The following CD58 variants were observed in gnomAD, a reference collection of about 807,000 sequenced individuals.
CD58 encodes the protein lymphocyte function-associated antigen 3.
Under a neutral mutation model 27.6 loss-of-function variants are expected in CD58, and 14 were observed. That is an observed-to-expected ratio of 0.51 (90% CI 0.34 to 0.79). CD58 has a LOEUF of 0.79. Among genes scored for constraint, CD58 ranks in the 30% least tolerant of loss-of-function variants. The pLI is 0.02. For missense variants in CD58, 268 were observed against 301.7 expected, an observed-to-expected ratio of 0.89 and a Z score of 0.83; for synonymous variants, 117 against 103.8, an observed-to-expected ratio of 1.13 and a Z score of -0.77.
At position 116,536,813 on chromosome 1, in the gene CD58, T is replaced by G. The variant is rs1657825104; in HGVS notation, c.365-585A>C. On this transcript the variant is annotated intron_variant, in intron 2 of 5. Transcript: ENST00000369489. This position sits in a 1 kb window ranked among gnomAD's most constrained non-coding sequence, Gnocchi z 5.4. ...CCCCAAATCCCTTATCCTCAATTCT[T>G]AAATCAAAAAATCTCTGAAGCCAAA... Among the ~76,000 whole-genome samples, 1 of 152,126 alleles carries G rather than the reference T, an allele frequency of 6.6e-6. No individual in the cohort carries two copies. The highest frequency in any genetic ancestry group is 2.1e-4 in the South Asian group (1 of 4,826).
At position 116,570,918 on chromosome 1, in the gene CD58, G is replaced by A. The variant is rs1057105797; in HGVS notation, c.55C>T (p.Leu19=). ...RALGVLSVVC[L]LHCFGFISCF... is the part of the protein sequence containing the mutation. ...CTTCACTCACCAAAGCAGTGCAGCA[G>A]GCAGACCACGCTGAGGACCCCCAGG... is the stretch of plus-strand genomic sequence containing the variant. The change falls in exon 1 of 6, where the codon CTG becomes TTG. Residue 19 remains leucine (L), a synonymous_variant. Transcript: ENST00000369489. The surrounding 1 kb of genome is among the most constrained non-coding windows in gnomAD (Gnocchi z 6.4). 1.9e-6 allele frequency: 3 copies of A among 1,567,626 alleles called. No homozygotes were observed. The highest frequency in any genetic ancestry group is 1.2e-5 in the South Asian group (1 of 85,968).
intron 4 of CD58, among the ~76,000 whole-genome samples, chr1:116,520,775 T>C (rs1332432693): frequency 6.6e-6 from 1 of 152,226 alleles, no homozygotes; most frequent in East Asian, 1.9e-4. Context: ...GAAAACTTTC[T>C]TCAGCTGATC....
chr1:116,544,714 G>A (rs1401230488), intron 1 of CD58, 110 bp from the exon 2 acceptor site: 2 of 704,214 alleles, frequency 2.8e-6, no homozygotes, highest in East Asian at 5.4e-5. Context: ...ACAAAATACA[G>A]GAAGTAAGAA....
In CD58 at chr1:116,531,540, T is replaced by C. The variant is rs375650409; in HGVS notation, c.628+4425A>G. 6.6e-5 allele frequency among the ~76,000 whole-genome samples: 10 copies of C among 152,318 alleles called. No individual in the cohort carries two copies. In the South Asian group the frequency reaches 2.1e-3, roughly 32 times the overall value. ...TCCATATCGTATGCCTTGGGTATTA[T>C]GTAACACTCAAAAGGTGGAATTAAT... On this transcript the variant is annotated intron_variant, in intron 3 of 5. Coordinates refer to ENST00000369489, the MANE Select transcript of CD58 (RefSeq NM_001779.3). This position sits in a 1 kb window ranked among gnomAD's most constrained non-coding sequence, Gnocchi z 4.5.
At chr1:116,567,177 AGAAGGGAAGG>A (rs536890121) in intron 1 of CD58, among the ~76,000 whole-genome samples, 9 of 118,508 alleles carry the variant, frequency 7.6e-5, no homozygotes, top group Admixed American at 3.5e-4. Context: ...AAAGAAGGAA[AGAAGGGAAGG>A]GAAGGGAAGG....
rs1321180687 is a variant in CD58 at position 116,519,423 on chromosome 1, T to C, written c.707-156A>G. ...GCTATCCTATATGCTTTAAATCAAA[T>C]CGGCTACAGAGCTGGTCCAAAGAGT... On this transcript the variant is annotated intron_variant, in intron 4 of 5. Transcript: ENST00000369489. The surrounding 1 kb of genome is among the most constrained non-coding windows in gnomAD (Gnocchi z 4.7). The C allele has an allele frequency of 8.4e-6, 6 of 714,916 alleles. No homozygotes were observed. The highest frequency in any genetic ancestry group is 3.8e-4 in the Middle Eastern group (1 of 2,644). The allele number at this position is 714,916 out of a possible 1,614,324, so 44.3% of individuals were successfully genotyped here.
intron 1 of CD58, among the ~76,000 whole-genome samples, chr1:116,558,608 T>G (rs1157788668): frequency 6.6e-6 from 1 of 152,238 alleles, no homozygotes; most frequent in Non-Finnish European, 1.5e-5. Context: ...GTCCCAATTT[T>G]GGGGGTAGAA....
Position 116,534,011 on chromosome 1 carries a change from T to C in CD58, c.628+1954A>G, listed in dbSNP as rs1341783254. 1 of 1,332,468 alleles carries C rather than the reference T, an allele frequency of 7.5e-7. No individual in the cohort carries two copies. Among genetic ancestry groups the C allele is most frequent in the Non-Finnish European group, 1.1e-6 (1 of 928,376 alleles). The allele number at this position is 1,332,468 out of a possible 1,614,324, so 82.5% of individuals were successfully genotyped here. A position where few individuals can be genotyped will look rare whatever the true frequency, so the allele number is the denominator to read the frequency against. ...CCAGGATTCTGCATCACCTGATCCG[T>C]GAGCTTTTCCGTCTTACTTGCATTT... On this transcript the variant is annotated intron_variant, in intron 3 of 5. Coordinates refer to ENST00000369489, the MANE Select transcript of CD58 (RefSeq NM_001779.3). This position sits in a 1 kb window ranked among gnomAD's most constrained non-coding sequence, Gnocchi z 5.3.
chr1:116,515,285 A>G lies in CD58; in HGVS notation c.744-463T>C, dbSNP rs1657038941. On this transcript the variant is annotated intron_variant, in intron 5 of 5. Transcript: ENST00000369489. This position sits in a 1 kb window ranked among gnomAD's most constrained non-coding sequence, Gnocchi z 4.6. ...GGCTGTCTTGGAGTAAATCAGCCGAAAAACAAAACCGCATCCTTGAGCAAG... is the reference window on the plus strand; with the variant it reads ...GGCTGTCTTGGAGTAAATCAGCCGAGAAACAAAACCGCATCCTTGAGCAAG... 6.6e-6 allele frequency among the ~76,000 whole-genome samples: 1 copy of G among 152,224 alleles called. No individual in the cohort carries two copies. Among genetic ancestry groups the G allele is most frequent in the African/African-American group, 2.4e-5 (1 of 41,448 alleles).
Position 116,532,919 on chromosome 1 carries a change from G to A in CD58, c.628+3046C>T. On this transcript the variant is annotated intron_variant, in intron 3 of 5. Coordinates refer to ENST00000369489, the MANE Select transcript of CD58 (RefSeq NM_001779.3). The surrounding 1 kb of genome is among the most constrained non-coding windows in gnomAD (Gnocchi z 5.1). Reference sequence around the variant, plus strand: ...GGAGTCGCGACAGCCGGTCTGCCAGGCGCCCACCTCCACTTCCTACTGCTG... The same window carrying A: ...GGAGTCGCGACAGCCGGTCTGCCAGACGCCCACCTCCACTTCCTACTGCTG... 1 of 1,060,580 alleles carries A rather than the reference G, an allele frequency of 9.4e-7. No homozygotes were observed. Among genetic ancestry groups the A allele is most frequent in the Non-Finnish European group, 1.4e-6 (1 of 720,760 alleles). The allele number at this position is 1,060,580 out of a possible 1,614,324, so 65.7% of individuals were successfully genotyped here.
intron 1 of CD58, among the ~76,000 whole-genome samples, chr1:116,560,778 G>C (rs1571089913): frequency 6.6e-6 from 1 of 152,202 alleles, no homozygotes; most frequent in African/African-American, 2.4e-5. Flanking sequence ...TCTCCAAAGA[G>C]GAACTGCTAA....
chr1:116,565,910 G>T (rs539743592), intron 1 of CD58, among the ~76,000 whole-genome samples: 1 of 151,900 alleles, frequency 6.6e-6, no homozygotes, highest in Non-Finnish European at 1.5e-5. Context: ...GTAGAGACAG[G>T]GTTTCACTGC....
intron 4 of CD58, among the ~76,000 whole-genome samples, chr1:116,520,814 C>T (rs1657242266): frequency 6.6e-6 from 1 of 152,182 alleles, no homozygotes; most frequent in Admixed American, 6.5e-5. Context: ...GGAGAGTCAA[C>T]TGACTGATAA....
rs1454384566 is a variant in CD58, at chr1:116,538,649, T to C, written c.365-2421A>G. On this transcript the variant is annotated intron_variant, in intron 2 of 5. Coordinates refer to ENST00000369489, the MANE Select transcript of CD58 (RefSeq NM_001779.3). This position sits in a 1 kb window ranked among gnomAD's most constrained non-coding sequence, Gnocchi z 4.7. Reference sequence around the variant, plus strand: ...TTGTTCTGTTGCAGATTCTAATGTATTGATCTAGCTCTGCCAATGTCTAGT... The same window carrying C: ...TTGTTCTGTTGCAGATTCTAATGTACTGATCTAGCTCTGCCAATGTCTAGT... 6.6e-6 allele frequency among the ~76,000 whole-genome samples: 1 copy of C among 152,224 alleles called. No individual in the cohort carries two copies. Among genetic ancestry groups the C allele is most frequent in the African/African-American group, 2.4e-5 (1 of 41,460 alleles).
intron 1 of CD58, chr1:116,560,185 A>G (rs1658711008): frequency 6.6e-6 from 1 of 152,208 alleles, no homozygotes; most frequent in African/African-American, 2.4e-5. Flanking sequence ...CACATGTTCC[A>G]TATTATACTT....
At position 116,522,831 on chromosome 1, in the gene CD58, T is replaced by A. The variant is rs1657306514; in HGVS notation, c.629-848A>T. On this transcript the variant is annotated intron_variant, in intron 3 of 5. Transcript: ENST00000369489. The surrounding 1 kb of genome is among the most constrained non-coding windows in gnomAD (Gnocchi z 4.6). ...GGGCAATTCTGGCAGTTGTATATAA[T>A]AAGCCTTAAAAATATTTATCATGAA... Among the ~76,000 whole-genome samples the A allele has an allele frequency of 6.6e-6, 1 of 151,938 alleles. No individual in the cohort carries two copies. Among genetic ancestry groups the A allele is most frequent in the African/African-American group, 2.4e-5 (1 of 41,202 alleles).
At position 116,533,906 on chromosome 1, in the gene CD58, C is replaced by A. The variant is rs529237861; in HGVS notation, c.628+2059G>T. 210 of 1,308,422 alleles carry A rather than the reference C, an allele frequency of 1.6e-4. 1 individual carries two copies. In the South Asian group the frequency reaches 2.4e-3, roughly 15 times the overall value. The allele number at this position is 1,308,422 out of a possible 1,614,324, so 81.1% of individuals were successfully genotyped here. On this transcript the variant is annotated intron_variant, in intron 3 of 5. Transcript: ENST00000369489. ...TTCAATGCATTAATTCTTCTTTTTA[C>A]TGCTTTAGGTAAAGTTTCGATGTAG...
At chr1:116,564,956 T>C (rs1237481011) in intron 1 of CD58, among the ~76,000 whole-genome samples, 5 of 152,138 alleles carry the variant, frequency 3.3e-5, no homozygotes, top group South Asian at 4.1e-4. Flanking sequence ...CCCAGCACTA[T>C]CCAGGCCCTA....
intron 2 of CD58, among the ~76,000 whole-genome samples, chr1:116,543,595 G>A (rs1658062433): frequency 6.6e-6 from 1 of 152,108 alleles, no homozygotes; most frequent in South Asian, 2.1e-4. Flanking sequence ...GAGAAGCAGG[G>A]AGAAATGTGT....
Sources: gnomAD v4.1 joint callset for allele counts (sites outside exome capture counted in the v4.1 genomes callset) on GRCh38, gnomAD v4.1.1 for gene constraint, Gnocchi (gnomAD v3.1) non-coding constraint, MANE v1.5 for transcripts, NCBI Gene and HGNC (gene_info 2026-07-23, HGNC 2026-07-21) for gene names.